Variants in KCNH1 observed in about 807,000 individuals in gnomAD.
KCNH1 encodes the protein voltage-gated delayed rectifier potassium channel KCNH1.
A neutral mutation model predicts 69.2 loss-of-function variants in KCNH1; 27 were observed. The observed-to-expected ratio is 0.39, with a 90% CI of 0.29 to 0.54. The LOEUF is 0.54. Among genes scored for constraint, KCNH1 ranks in the 20% least tolerant of loss-of-function variants. KCNH1 has a pLI of 0.68. For missense variants in KCNH1, 798 were observed against 1,261.6 expected (o/e 0.63, Z 5.57); for synonymous variants, 456 against 487.7 (o/e 0.93, Z 0.86).
At chr1:211,069,044 T>C (rs548029180) in intron 5 of KCNH1, among the ~76,000 whole-genome samples, 1 of 152,216 alleles carries the variant, frequency 6.6e-6, no homozygotes, top group Non-Finnish European at 1.5e-5. Flanking sequence ...AAGGGAACCA[T>C]GTTTATATAC....
intron 7 of KCNH1, among the ~76,000 whole-genome samples, chr1:210,807,497 A>T (rs1310331623): frequency 6.6e-6 from 1 of 152,080 alleles, no homozygotes; most frequent in Non-Finnish European, 1.5e-5. Context: ...CTGTAGTCCC[A>T]GCAACTTGGA....
intron 10 of KCNH1, among the ~76,000 whole-genome samples, chr1:210,718,158 T>A (rs1682309467): frequency 6.8e-6 from 1 of 147,688 alleles, no homozygotes; most frequent in Non-Finnish European, 1.5e-5. Flanking sequence ...TAAAATTAAT[T>A]TTAATGTTTT....
intron 10 of KCNH1, among the ~76,000 whole-genome samples, chr1:210,751,533 T>G (rs1292674487): frequency 6.6e-6 from 1 of 152,108 alleles, no homozygotes; most frequent in Non-Finnish European, 1.5e-5. Context: ...AGGCTTTAAG[T>G]GCTAACGTTA....
chr1:210,858,924 A>G (rs1038814050), intron 7 of KCNH1: 5 of 370,286 alleles, frequency 1.4e-5, no homozygotes, highest in African/African-American at 1.0e-4. Flanking sequence ...ACTTTCTTCA[A>G]AAAATAAAGA....
At chr1:210,753,889 A>G (rs1415826525) in intron 10 of KCNH1, among the ~76,000 whole-genome samples, 5 of 151,838 alleles carry the variant, frequency 3.3e-5, no homozygotes, top group Admixed American at 3.3e-4. Flanking sequence ...AGGGTTTTCA[A>G]GCTTACAAAT....
intron 10 of KCNH1, among the ~76,000 whole-genome samples, chr1:210,764,830 C>T (rs922998057): frequency 1.3e-5 from 2 of 152,108 alleles, no homozygotes; most frequent in Admixed American, 6.5e-5. Context: ...AATAGAATTA[C>T]CATTCGACCT....
At position 210,810,313 on chromosome 1, in the gene KCNH1, T is replaced by C. The variant is rs547357512; in HGVS notation, c.1463-6147A>G. Reference sequence around the variant, plus strand: ...CCTGCATATTATAACCTGTATTTTTTCTCTCTAGAAACGCTTTCTACAAGG... The same window carrying C: ...CCTGCATATTATAACCTGTATTTTTCCTCTCTAGAAACGCTTTCTACAAGG... On this transcript the variant is annotated intron_variant, in intron 7 of 10. Coordinates refer to ENST00000271751, the MANE Select transcript of KCNH1 (RefSeq NM_172362.3). 6.6e-5 allele frequency among the ~76,000 whole-genome samples: 10 copies of C among 152,266 alleles called. No individual in the cohort carries two copies. In the East Asian group the frequency reaches 1.5e-3, roughly 24 times the overall value.
intron 10 of KCNH1, among the ~76,000 whole-genome samples, chr1:210,700,081 G>A (rs920768112): frequency 1.3e-5 from 2 of 152,144 alleles, no homozygotes; most frequent in African/African-American, 4.8e-5. Flanking sequence ...TTGAAAATCA[G>A]GCAAGTGAGG....
chr1:210,949,432 G>A (rs1688021284), intron 6 of KCNH1, among the ~76,000 whole-genome samples: 1 of 152,136 alleles, frequency 6.6e-6, no homozygotes, highest in Non-Finnish European at 1.5e-5. Flanking sequence ...AAGTCTTCCT[G>A]CATCCAAAGA....
intron 9 of KCNH1, among the ~76,000 whole-genome samples, chr1:210,787,132 A>G (rs1024989930): frequency 1.5e-4 from 23 of 151,652 alleles, no homozygotes; most frequent in African/African-American, 5.3e-4. Context: ...CCCTCTTGAG[A>G]ATGCTATGCT....
At chr1:211,050,599 GT>G (rs1690184259) in intron 5 of KCNH1, among the ~76,000 whole-genome samples, 2 of 152,102 alleles carry the variant, frequency 1.3e-5, no homozygotes, top group Non-Finnish European at 2.9e-5. Flanking sequence ...AACAATCTCG[GT>G]TTCTTCCTAT....
chr1:211,030,279 G>T (rs951329063), intron 5 of KCNH1, among the ~76,000 whole-genome samples: 4 of 152,086 alleles, frequency 2.6e-5, no homozygotes, highest in Non-Finnish European at 4.4e-5. Flanking sequence ...TTTAGTTTTG[G>T]TTTTGGGTTA....
chr1:210,887,968 C>T (rs977677064), intron 7 of KCNH1, among the ~76,000 whole-genome samples: 5 of 152,094 alleles, frequency 3.3e-5, no homozygotes, highest in African/African-American at 9.7e-5. Flanking sequence ...TAGTGGGAGA[C>T]TTTAACACCC....
At chr1:210,895,586 T>C (rs1686847562) in intron 7 of KCNH1, among the ~76,000 whole-genome samples, 1 of 152,124 alleles carries the variant, frequency 6.6e-6, no homozygotes, top group Non-Finnish European at 1.5e-5. Context: ...AGAGATGAAG[T>C]ACCATGTCTC....
chr1:211,030,841 G>GTAT (rs1689769981), intron 5 of KCNH1, among the ~76,000 whole-genome samples: 1 of 151,752 alleles, frequency 6.6e-6, no homozygotes, highest in South Asian at 2.1e-4. Context: ...CAAAGCAAAC[G>GTAT]TCAAATAAAG....
Position 210,953,148 on chromosome 1 carries a change from G to A in KCNH1, c.1033-33079C>T, listed in dbSNP as rs115209045. On this transcript the variant is annotated intron_variant, in intron 6 of 10. Coordinates refer to ENST00000271751, the MANE Select transcript of KCNH1 (RefSeq NM_172362.3). ...CTATAGCTACCTTTCTATTTTCTTA[G>A]AGCAAAGGGTGAGACTTTTCCATTT... Among the ~76,000 whole-genome samples the A allele has an allele frequency of 1.5e-3, 224 of 152,112 alleles. 2 individuals are homozygous for A. The highest frequency in any genetic ancestry group is 4.9e-3 in the African/African-American group (205 of 41,500).
At chr1:211,127,376 T>A (rs1334830750) in intron 1 of KCNH1, among the ~76,000 whole-genome samples, 1 of 150,396 alleles carries the variant, frequency 6.6e-6, no homozygotes, top group Non-Finnish European at 1.5e-5. Context: ...GTCCCCAGGG[T>A]TTACTGCTTC....
rs1681283798 is a variant in KCNH1 at position 210,682,113 on chromosome 1, T to C, written c.*1168A>G. The C allele has an allele frequency of 6.6e-6, 1 of 152,198 alleles. No individual in the cohort carries two copies. Among genetic ancestry groups the C allele is most frequent in the African/African-American group, 2.4e-5 (1 of 41,460 alleles). The allele number at this position is 152,198 out of a possible 1,614,324, so 9.4% of individuals were successfully genotyped here. On this transcript the variant is annotated 3_prime_UTR_variant, in exon 11 of 11. Coordinates refer to ENST00000271751, the MANE Select transcript of KCNH1 (RefSeq NM_172362.3). ...ACTGCTTCATTCTCTTTCCAGCTCC[T>C]GAAGAGAGTACAATCATGATCCTGC...
chr1:211,033,880 G>A (rs12139813), intron 5 of KCNH1, among the ~76,000 whole-genome samples: 8,796 of 151,842 alleles, frequency 0.058, 323 homozygotes, highest in East Asian at 0.18. Context: ...AAACCTGCAC[G>A]TTGTGCATGT....
Sources: gnomAD v4.1 joint callset for allele counts (sites outside exome capture counted in the v4.1 genomes callset) on GRCh38, gnomAD v4.1.1 for gene constraint, MANE v1.5 for transcripts, NCBI Gene and HGNC (gene_info 2026-07-23, HGNC 2026-07-21) for gene names.